GDPD4: variants seen among roughly 807,000 people sequenced by gnomAD.
GDPD4 encodes the protein glycerophosphodiester phosphodiesterase 6.
In GDPD4, 60 loss-of-function variants were observed where a neutral mutation model predicts 67.8. The observed-to-expected ratio is 0.88, with a 90% confidence interval of 0.72 to 1.10. GDPD4 has a LOEUF of 1.10. Ranked by LOEUF, GDPD4 falls within the 50% of genes least tolerant of loss-of-function variation. The pLI is 0.00. For synonymous variants in GDPD4, 212 were observed against 210.9 expected, an observed-to-expected ratio of 1.00 and a Z score of -0.04; for missense variants, 623 against 613.9, an observed-to-expected ratio of 1.01 and a Z score of -0.16.
intron 10 of GDPD4, among the ~76,000 whole-genome samples, chr11:77,268,038 T>G (rs1959186532): frequency 6.6e-6 from 1 of 152,134 alleles, no homozygotes; most frequent in South Asian, 2.1e-4. Context: ...AAACATCCCA[T>G]GTCTCCTTCA....
In GDPD4 at chr11:77,269,059, C is replaced by A. The variant is rs1473080643; in HGVS notation, c.489G>T (p.Val163=). 4.3e-6 allele frequency: 7 copies of A among 1,613,204 alleles called. No individual in the cohort carries two copies. Among genetic ancestry groups the A allele is most frequent in the Non-Finnish European group, 5.9e-6 (7 of 1,179,678 alleles). Residue 163 remains valine, a synonymous_variant, in exon 9 of 17, where the codon GTG becomes GTT. Coordinates refer to ENST00000315938, the MANE Select transcript of GDPD4 (RefSeq NM_182833.3). ...TAAGAAGAAAGGGTAATCCAACAGG[C>A]ACTTGTAGACCTGAAAAATTTGAAA... ...NVITRLRGLQ[V]PVGLPFLLIL... is the part of the protein sequence containing the mutation.
At chr11:77,253,593 G>A (rs1958947829) in intron 11 of GDPD4, among the ~76,000 whole-genome samples, 1 of 152,102 alleles carries the variant, frequency 6.6e-6, no homozygotes, top group Non-Finnish European at 1.5e-5. Flanking sequence ...TTGTTTCCCT[G>A]GGATGAAGGG....
intron 1 of GDPD4, among the ~76,000 whole-genome samples, chr11:77,295,207 G>T (rs1047201426): frequency 4.6e-5 from 7 of 151,360 alleles, no homozygotes; most frequent in African/African-American, 1.7e-4. Context: ...AAGCTGGTCT[G>T]GATCTCCTGA....
chr11:77,235,991 A>T (rs894949626), intron 13 of GDPD4, among the ~76,000 whole-genome samples: 1 of 151,890 alleles, frequency 6.6e-6, no homozygotes, highest in South Asian at 2.1e-4. Flanking sequence ...AAAAAAACAA[A>T]TTGAAGAGAT....
chr11:77,289,482 G>A (rs1937691405), intron 1 of GDPD4, among the ~76,000 whole-genome samples: 1 of 150,458 alleles, frequency 6.6e-6, no homozygotes, highest in South Asian at 2.1e-4. Context: ...AGCACTCTGG[G>A]AGGCCGAGGC....
chr11:77,226,944 C>T (rs1482663806), intron 16 of GDPD4, among the ~76,000 whole-genome samples: 1 of 152,152 alleles, frequency 6.6e-6, no homozygotes, highest in Non-Finnish European at 1.5e-5. Context: ...CACTCATCTG[C>T]CAGCTGGTAC....
Position 77,216,695 on chromosome 11 carries a change from T to G in GDPD4, c.*582A>C. The G allele has an allele frequency of 5.4e-6, 3 of 554,606 alleles. No homozygotes were observed. Among genetic ancestry groups the G allele is most frequent in the Non-Finnish European group, 9.6e-6 (3 of 311,382 alleles). The allele number at this position is 554,606 out of a possible 1,614,324, so 34.4% of individuals were successfully genotyped here. On this transcript the variant is annotated 3_prime_UTR_variant, in exon 17 of 17. Transcript: ENST00000315938. The stretch of plus-strand genomic sequence containing the variant: ...GCAGTTTTCCCCTTGCCTAGCCCCT[T>G]GAGATGCATTCTTGATAGCGAGAGC...
At chr11:77,287,454 G>A (rs1960043263) in intron 1 of GDPD4, 34 bp from the exon 2 acceptor site, 1 of 152,132 alleles carries the variant, frequency 6.6e-6, no homozygotes, top group Non-Finnish European at 1.5e-5. Context: ...AGGATCTAGT[G>A]TCGCTCCCCT....
At chr11:77,278,808 A>G (rs1265330475) in intron 4 of GDPD4, among the ~76,000 whole-genome samples, 1 of 152,252 alleles carries the variant, frequency 6.6e-6, no homozygotes, top group East Asian at 1.9e-4. Flanking sequence ...AACAGAAGCA[A>G]GGTCACACTA....
rs557032963 is a variant in GDPD4 at position 77,245,514 on chromosome 11, T to C, written c.865-12A>G. Reference sequence around the variant, plus strand: ...TAAAATGGCCTGAGCTAGAAACAAATACATCAAAAAATACATAAAAGCACT... The same window carrying C: ...TAAAATGGCCTGAGCTAGAAACAAACACATCAAAAAATACATAAAAGCACT... On this transcript the variant is annotated splice_polypyrimidine_tract_variant and intron_variant, in intron 11 of 16. Transcript: ENST00000315938. 7.0e-5 allele frequency: 112 copies of C among 1,593,144 alleles called. No individual in the cohort carries two copies. In the South Asian group the frequency reaches 1.1e-3, roughly 16 times the overall value.
intron 16 of GDPD4, among the ~76,000 whole-genome samples, chr11:77,218,752 G>A (rs1445505182): frequency 1.3e-5 from 2 of 152,122 alleles, no homozygotes; most frequent in African/African-American, 4.8e-5. Flanking sequence ...ATATTCCATG[G>A]TGTATATGTG....
chr11:77,269,306 T>C (rs893221492), intron 8 of GDPD4, among the ~76,000 whole-genome samples: 2 of 152,102 alleles, frequency 1.3e-5, no homozygotes, highest in South Asian at 2.1e-4. Flanking sequence ...TTACTGGAAC[T>C]GGAAATTGAC....
intron 13 of GDPD4, among the ~76,000 whole-genome samples, chr11:77,235,025 T>TTTTTTTTTTTTTTTTTTTTTTTTTC (rs1958530926): frequency 7.0e-6 from 1 of 142,084 alleles, no homozygotes; most frequent in Non-Finnish European, 1.5e-5. Flanking sequence ...TTTTTTTTTT[T>TTTTTTTTTTTTTTTTTTTTTTTTTC]TTTTTTTTTT....
chr11:77,277,560 G>A (rs1360481407), intron 4 of GDPD4, among the ~76,000 whole-genome samples: 2 of 151,092 alleles, frequency 1.3e-5, no homozygotes, highest in African/African-American at 2.4e-5. Context: ...CCGCCACCAC[G>A]CCTGGCTAAT....
intron 16 of GDPD4, among the ~76,000 whole-genome samples, chr11:77,222,152 A>C (rs1467691157): frequency 6.6e-6 from 1 of 152,138 alleles, no homozygotes; most frequent in Non-Finnish European, 1.5e-5. Flanking sequence ...AATACAGCAC[A>C]CTGATGGGTC....
chr11:77,276,144 GGACT>G lies in GDPD4; in HGVS notation c.207+13_207+16del. ...AGTCCTGGTCTAAGGTTTCCTATGTGGACTCAGATGTCCTACCTTATGACACAAG... is the reference window on the plus strand; with the variant it reads ...AGTCCTGGTCTAAGGTTTCCTATGTGCAGATGTCCTACCTTATGACACAAG... On this transcript the variant is annotated intron_variant, in intron 5 of 16. Coordinates refer to ENST00000315938, the MANE Select transcript of GDPD4 (RefSeq NM_182833.3). 6.2e-7 allele frequency: 1 copy of G among 1,600,778 alleles called. No homozygotes were observed. Among genetic ancestry groups the G allele is most frequent in the South Asian group, 1.1e-5 (1 of 90,748 alleles).
chr11:77,217,253 A>G lies in GDPD4; in HGVS notation c.*24T>C. On this transcript the variant is annotated 3_prime_UTR_variant, in exon 17 of 17. Coordinates refer to ENST00000315938, the MANE Select transcript of GDPD4 (RefSeq NM_182833.3). Reference sequence around the variant, plus strand: ...TTCCACAACTCGGACAGGAGGTTTCATGGCTATGTGCAAATCTATCTATCT... The same window carrying G: ...TTCCACAACTCGGACAGGAGGTTTCGTGGCTATGTGCAAATCTATCTATCT... 6.3e-7 allele frequency: 1 copy of G among 1,576,118 alleles called. No homozygotes were observed. The highest frequency in any genetic ancestry group is 1.1e-5 in the South Asian group (1 of 90,236).
intron 16 of GDPD4, among the ~76,000 whole-genome samples, chr11:77,217,755 GAAAAA>G (rs370325504): frequency 0.016 from 2,440 of 151,026 alleles, 24 homozygotes; most frequent in African/African-American, 0.025. Context: ...CTGTCCAACA[GAAAAA>G]AAAATTAGAT....
chr11:77,243,420 A>G (rs1000616585), intron 13 of GDPD4, among the ~76,000 whole-genome samples: 1 of 151,986 alleles, frequency 6.6e-6, no homozygotes, highest in Admixed American at 6.6e-5. Context: ...CAAGCATACA[A>G]AAAAGTGTAC....
Sources: allele counts gnomAD v4.1 joint callset (sites outside exome capture counted in the v4.1 genomes callset), GRCh38; gene constraint gnomAD v4.1.1; transcripts MANE v1.5; gene names NCBI Gene and HGNC (gene_info 2026-07-23, HGNC 2026-07-21).